The following TTC39C variants were observed in gnomAD, a reference collection of about 807,000 sequenced individuals.
TTC39C encodes the protein tetratricopeptide repeat protein 39C.
Under a neutral mutation model 76.3 loss-of-function variants are expected in TTC39C, and 33 were observed. The observed-to-expected ratio is 0.43, with a 90% CI of 0.33 to 0.58. TTC39C has a LOEUF of 0.58. Ranked by LOEUF, TTC39C falls within the 20% of genes least tolerant of loss-of-function variation. The pLI is 0.04. For missense variants in TTC39C, 595 were observed against 701.4 expected, an observed-to-expected ratio of 0.85 and a Z score of 1.71; for synonymous variants, 254 against 260.6, an observed-to-expected ratio of 0.97 and a Z score of 0.24.
intron 9 of TTC39C, 169 bp downstream of exon 9, chr18:24,124,112 G>C: frequency 2.1e-6 from 1 of 473,090 alleles, no homozygotes; most frequent in Non-Finnish European, 3.7e-6. Flanking sequence ...CATCTGCTCT[G>C]AATAGAAGAT....
At position 24,132,470 on chromosome 18, in the gene TTC39C, T is replaced by C. The variant is rs776460012; in HGVS notation, c.1663-15T>C. On this transcript the variant is annotated splice_polypyrimidine_tract_variant and intron_variant, in intron 13 of 13. Coordinates refer to ENST00000317571, the MANE Select transcript of TTC39C (RefSeq NM_001135993.2). ...AGCTAACAGAGTGCATAAATATCTTTCTTTGATCTTACAGGAGGATTTCTC... is the reference window on the plus strand; with the variant it reads ...AGCTAACAGAGTGCATAAATATCTTCCTTTGATCTTACAGGAGGATTTCTC... 1 of 1,612,914 alleles carries C rather than the reference T, an allele frequency of 6.2e-7. No individual in the cohort carries two copies. Among genetic ancestry groups the C allele is most frequent in the Non-Finnish European group, 8.5e-7 (1 of 1,179,060 alleles).
chr18:24,083,200 C>T, intron 6 of TTC39C, 119 bp downstream of exon 6: 2 of 1,071,734 alleles, frequency 1.9e-6, no homozygotes, highest in Non-Finnish European at 1.3e-6. Context: ...GCATTTTGTT[C>T]TTTTGCCTTT....
chr18:24,053,172 C>T, intron 1 of TTC39C, among the ~76,000 whole-genome samples: 1 of 152,152 alleles, frequency 6.6e-6, no homozygotes, highest in East Asian at 1.9e-4. Context: ...TGAATCATGT[C>T]AAGAAAAACC....
chr18:24,061,217 TTTAG>T (rs1207276591), intron 1 of TTC39C, among the ~76,000 whole-genome samples: 1 of 150,806 alleles, frequency 6.6e-6, no homozygotes, highest in Non-Finnish European at 1.5e-5. Flanking sequence ...TCAGCAAATA[TTTAG>T]TCTTCTTTTT....
intron 1 of TTC39C, among the ~76,000 whole-genome samples, chr18:24,058,758 A>G (rs1445922467): frequency 1.3e-5 from 2 of 152,208 alleles, no homozygotes; most frequent in Non-Finnish European, 1.5e-5. Context: ...GAAGTAGGAG[A>G]AAACTAGTTG....
At chr18:24,113,955 C>A in intron 6 of TTC39C, 1 of 441,804 alleles carries the variant, frequency 2.3e-6, no homozygotes, top group Non-Finnish European at 4.2e-6. Flanking sequence ...TGAGCAGAAG[C>A]AATTGGAGAA....
At chr18:24,023,995 TATATATATATATATATATATA>T (rs2083561755) in intron 1 of TTC39C, among the ~76,000 whole-genome samples, 1 of 6,484 alleles carries the variant, frequency 1.5e-4, no homozygotes, top group African/African-American at 5.4e-4. Context: ...TATATATATA[TATATATATATATATATATATA>T]TTTTTTTTTT....
At chr18:24,052,052 T>G (rs2083958004) in intron 1 of TTC39C, among the ~76,000 whole-genome samples, 1 of 152,166 alleles carries the variant, frequency 6.6e-6, no homozygotes, top group South Asian at 2.1e-4. Flanking sequence ...AATTAAAATA[T>G]AGAGAGTGAT....
At chr18:24,022,895 G>A (rs1182578876) in intron 1 of TTC39C, 2 of 984,508 alleles carry the variant, frequency 2.0e-6, no homozygotes, top group Middle Eastern at 5.2e-4. Context: ...GCAAAAGGTT[G>A]TATGACTCCT....
chr18:24,045,329 T>C (rs1366656155), intron 1 of TTC39C, among the ~76,000 whole-genome samples: 1 of 148,662 alleles, frequency 6.7e-6, no homozygotes, highest in African/African-American at 2.5e-5. Flanking sequence ...AGAATCTGCA[T>C]TGTAACAAGG....
chr18:24,130,250 T>G, intron 11 of TTC39C, 63 bp from the exon 12 acceptor site: 1 of 857,246 alleles, frequency 1.2e-6, no homozygotes, highest in Non-Finnish European at 1.8e-6. Flanking sequence ...TCTTGAAGAT[T>G]ATAATAAGCC....
At chr18:24,035,510 C>T (rs1362235521) in intron 1 of TTC39C, among the ~76,000 whole-genome samples, 5 of 152,144 alleles carry the variant, frequency 3.3e-5, no homozygotes, top group African/African-American at 4.8e-5. Context: ...ATCTGATTTA[C>T]GTTTCCCCAG....
chr18:24,064,497 G>T (rs999167115), intron 2 of TTC39C, among the ~76,000 whole-genome samples: 7 of 152,148 alleles, frequency 4.6e-5, no homozygotes, highest in Non-Finnish European at 8.8e-5. Context: ...GTCTGGGTTT[G>T]GGTAATAAAG....
intron 6 of TTC39C, among the ~76,000 whole-genome samples, chr18:24,108,645 A>T (rs2084775448): frequency 6.6e-6 from 1 of 152,242 alleles, no homozygotes; most frequent in African/African-American, 2.4e-5. Context: ...GTACATTAGT[A>T]TGGAAATATC....
intron 1 of TTC39C, among the ~76,000 whole-genome samples, chr18:24,046,348 C>G (rs2083885412): frequency 6.6e-6 from 1 of 151,830 alleles, no homozygotes; most frequent in South Asian, 2.1e-4. Context: ...GAGCTTCAGA[C>G]TAGACATTTG....
chr18:24,063,258 T>G (rs1351355798), intron 1 of TTC39C, among the ~76,000 whole-genome samples: 1 of 152,148 alleles, frequency 6.6e-6, no homozygotes, highest in Non-Finnish European at 1.5e-5. Flanking sequence ...ATCAGATGAT[T>G]ACAAGGGGGG....
At chr18:24,064,523 A>G (rs1031609389) in intron 2 of TTC39C, among the ~76,000 whole-genome samples, 1 of 152,212 alleles carries the variant, frequency 6.6e-6, no homozygotes, top group Non-Finnish European at 1.5e-5. Flanking sequence ...CTCTGAAATT[A>G]TTGAGTAAAT....
At chr18:24,109,058 G>T (rs976524950) in intron 6 of TTC39C, among the ~76,000 whole-genome samples, 2 of 151,508 alleles carry the variant, frequency 1.3e-5, no homozygotes, top group Admixed American at 1.3e-4. Flanking sequence ...CAACATCCCA[G>T]CTGGGTGCTG....
chr18:24,050,942 A>C (rs568995350), intron 1 of TTC39C, among the ~76,000 whole-genome samples: 4 of 151,818 alleles, frequency 2.6e-5, no homozygotes, highest in Non-Finnish European at 4.4e-5. Context: ...ATTTTAAATT[A>C]CTTTCATGAC....
Sources: gnomAD v4.1 joint callset for allele counts (sites outside exome capture counted in the v4.1 genomes callset) on GRCh38, gnomAD v4.1.1 for gene constraint, MANE v1.5 for transcripts, NCBI Gene and HGNC (gene_info 2026-07-23, HGNC 2026-07-21) for gene names.